Variants in CACNB2 observed in about 807,000 individuals in gnomAD.
CACNB2 encodes the protein calcium voltage-gated channel auxiliary subunit beta 2, also known as voltage-dependent L-type calcium channel subunit beta-2.
A neutral mutation model predicts 73.3 loss-of-function variants in CACNB2; 42 were observed. That is an observed-to-expected ratio of 0.57 (90% confidence interval 0.45 to 0.74). The LOEUF is 0.74. CACNB2 is among the 30% of genes least tolerant of loss of function. The probability of loss-of-function intolerance (pLI) is 0.00; values close to 1 mark genes in which losing one functional copy is unlikely to be tolerated. For synonymous variants in CACNB2, 348 were observed against 310.3 expected (o/e 1.12, Z -1.28); for missense variants, 940 against 853.0 (o/e 1.10, Z -1.27).
At chr10:18,286,065 T>G (rs1224365617) in intron 2 of CACNB2, among the ~76,000 whole-genome samples, 1 of 152,218 alleles carries the variant, frequency 6.6e-6, no homozygotes, top group Non-Finnish European at 1.5e-5. Flanking sequence ...ACACATTAAA[T>G]AACACTATTG....
chr10:18,290,036 G>A (rs536196453), intron 2 of CACNB2, among the ~76,000 whole-genome samples: 1 of 147,546 alleles, frequency 6.8e-6, no homozygotes, highest in South Asian at 2.2e-4. Context: ...TGACTTAATA[G>A]ATCTTTTTTG....
chr10:18,299,067 T>TAAAAAA (rs71402154), intron 2 of CACNB2, among the ~76,000 whole-genome samples: 5 of 120,888 alleles, frequency 4.1e-5, no homozygotes, highest in African/African-American at 1.0e-4. Context: ...TAAAGTATAC[T>TAAAAAA]AAAAAAAAAA....
chr10:18,241,234 A>G (rs1276766908), intron 2 of CACNB2, among the ~76,000 whole-genome samples: 1 of 152,200 alleles, frequency 6.6e-6, no homozygotes, highest in Non-Finnish European at 1.5e-5. Context: ...AGGACCTCCT[A>G]AGGCTGTGTC....
chr10:18,443,370 C>A (rs556474327), intron 3 of CACNB2, among the ~76,000 whole-genome samples: 10 of 151,870 alleles, frequency 6.6e-5, no homozygotes, highest in Non-Finnish European at 1.0e-4. Context: ...GACTAGGGAA[C>A]CAATGAGGCT....
At position 18,341,634 on chromosome 10, in the gene CACNB2, G is replaced by A. The variant is rs933425234; in HGVS notation, c.214-60290G>A. On this transcript the variant is annotated intron_variant, in intron 2 of 13. Coordinates refer to ENST00000324631, the MANE Select transcript of CACNB2 (RefSeq NM_201596.3). ...TGAACCTAAAACTAAACCAGAGCCC[G>A]TAAAAATAAAAGTCATAAAGTTACA... Among the ~76,000 whole-genome samples the A allele has an allele frequency of 2.6e-5, 4 of 152,098 alleles. No individual in the cohort carries two copies. The South Asian group carries it at 6.2e-4, about 24-fold the overall frequency.
At chr10:18,157,368 T>G (rs919753170) in intron 2 of CACNB2, among the ~76,000 whole-genome samples, 2 of 152,194 alleles carry the variant, frequency 1.3e-5, no homozygotes, top group African/African-American at 4.8e-5. Context: ...TACAGCAGCT[T>G]TTTCCTCTGG....
chr10:18,327,975 T>C (rs1014834928), intron 2 of CACNB2, among the ~76,000 whole-genome samples: 1 of 152,134 alleles, frequency 6.6e-6, no homozygotes, highest in Non-Finnish European at 1.5e-5. Context: ...AAGTGTCAAA[T>C]TCTTGAAGCA....
chr10:18,286,059 A>G (rs1471483313), intron 2 of CACNB2, among the ~76,000 whole-genome samples: 1 of 152,246 alleles, frequency 6.6e-6, no homozygotes, highest in East Asian at 1.9e-4. Context: ...CTGTGAACAC[A>G]TTAAATAACA....
intron 2 of CACNB2, chr10:18,260,857 G>T: frequency 1.8e-6 from 2 of 1,083,542 alleles, no homozygotes; most frequent in Non-Finnish European, 1.1e-6. Flanking sequence ...GTCGCGAAAT[G>T]CAAGACACTC....
intron 7 of CACNB2, 37 bp from the exon 8 acceptor site, chr10:18,518,299 C>T (rs1226105039): frequency 2.2e-6 from 3 of 1,355,298 alleles, no homozygotes; most frequent in Admixed American, 3.4e-5. Flanking sequence ...GTTCTACCTG[C>T]CTGTGAAACG....
chr10:18,481,226 A>T lies in CACNB2; in HGVS notation c.334-17129A>T, dbSNP rs1480143268. 9.3e-3 allele frequency among the ~76,000 whole-genome samples: 128 copies of T among 13,778 alleles called. 14 individuals are homozygous for T. The highest frequency in any genetic ancestry group is 0.25 in the Middle Eastern group (2 of 8). 9.0% of individuals were successfully genotyped at this position (13,778 alleles called of 152,430 possible). On this transcript the variant is annotated intron_variant, in intron 3 of 13. Coordinates refer to ENST00000324631, the MANE Select transcript of CACNB2 (RefSeq NM_201596.3). Reference sequence around the variant, plus strand: ...TATATATATATATATATATATATATATATATTTTTTTTTTTTTTTTTTTTT... The same window carrying T: ...TATATATATATATATATATATATATTTATATTTTTTTTTTTTTTTTTTTTT...
At chr10:18,466,454 A>T (rs998242137) in intron 3 of CACNB2, among the ~76,000 whole-genome samples, 13 of 151,978 alleles carry the variant, frequency 8.6e-5, no homozygotes, top group African/African-American at 3.1e-4. Flanking sequence ...GCTGGTCTCA[A>T]ACTCCTGACC....
At chr10:18,465,101 A>G (rs2047804955) in intron 3 of CACNB2, among the ~76,000 whole-genome samples, 1 of 152,196 alleles carries the variant, frequency 6.6e-6, no homozygotes, top group South Asian at 2.1e-4. Flanking sequence ...AGGCCGAGGC[A>G]GGCAGATTAC....
rs566733109 is a variant in CACNB2, at chr10:18,325,661, CTCTT to C, written c.214-76255_214-76252del. Among the ~76,000 whole-genome samples, 730 of 140,734 alleles carry C rather than the reference CTCTT, an allele frequency of 5.2e-3. 3 individuals are homozygous for C. Among genetic ancestry groups the C allele is most frequent in the Middle Eastern group, 0.011 (3 of 266 alleles). The allele number at this position is 140,734 out of a possible 152,430, so 92.3% of individuals were successfully genotyped here. Reference sequence around the variant, plus strand: ...TTTTCCTTTCTTTCCTTCTCTCTCTCTCTTTCTTTCTCTTTCCCTCCCTCCCTCC... The same window carrying C: ...TTTTCCTTTCTTTCCTTCTCTCTCTCTCTTTCTCTTTCCCTCCCTCCCTCC... On this transcript the variant is annotated intron_variant, in intron 2 of 13. Transcript: ENST00000324631.
chr10:18,312,387 A>C (rs139051402), intron 2 of CACNB2, among the ~76,000 whole-genome samples: 267 of 152,336 alleles, frequency 1.8e-3, no homozygotes, highest in Middle Eastern at 6.8e-3. Context: ...TTAGTCATTG[A>C]AATAGCTCTG....
chr10:18,167,382 A>G (rs2032928759), intron 2 of CACNB2, among the ~76,000 whole-genome samples: 2 of 152,262 alleles, frequency 1.3e-5, no homozygotes, highest in South Asian at 2.1e-4. Context: ...TGAGTTCAGT[A>G]GAAACCCAAA....
intron 2 of CACNB2, among the ~76,000 whole-genome samples, chr10:18,391,544 T>C (rs2043467790): frequency 1.3e-5 from 2 of 152,070 alleles, no homozygotes; most frequent in African/African-American, 4.8e-5. Context: ...GTGAAACATT[T>C]AAAAAAATCC....
At chr10:18,354,158 C>G (rs996158063) in intron 2 of CACNB2, among the ~76,000 whole-genome samples, 7 of 152,008 alleles carry the variant, frequency 4.6e-5, no homozygotes, top group Non-Finnish European at 7.4e-5. Context: ...ATGTATGACC[C>G]CTATAGACCT....
intron 3 of CACNB2, 142 bp downstream of exon 3, chr10:18,402,185 C>A: frequency 1.1e-6 from 1 of 918,752 alleles, no homozygotes; most frequent in Non-Finnish European, 1.7e-6. Context: ...AAAAATGGAG[C>A]CTAGTTTCTT....
Sources: allele counts gnomAD v4.1 joint callset (sites outside exome capture counted in the v4.1 genomes callset), GRCh38; gene constraint gnomAD v4.1.1; transcripts MANE v1.5; gene names NCBI Gene and HGNC (gene_info 2026-07-23, HGNC 2026-07-21).